Variants in EXOC7 observed in about 807,000 individuals in gnomAD.
EXOC7 encodes the protein exocyst complex component Exo70.
In EXOC7, 51 loss-of-function variants were observed where a neutral mutation model predicts 87.6. The observed-to-expected ratio is 0.58, with a 90% CI of 0.46 to 0.73. The LOEUF is 0.73. Among genes scored for constraint, EXOC7 ranks in the 30% least tolerant of loss-of-function variants. The pLI is 0.00. For synonymous variants in EXOC7, 327 were observed against 357.1 expected, an observed-to-expected ratio of 0.92 and a Z score of 0.95; for missense variants, 744 against 888.4, an observed-to-expected ratio of 0.84 and a Z score of 2.07.
intron 4 of EXOC7, 72 bp from the exon 5 acceptor site, chr17:76,098,090 G>T: frequency 7.3e-7 from 1 of 1,361,282 alleles, no homozygotes; most frequent in Non-Finnish European, 1.0e-6. Flanking sequence ...TCCCCTGCCT[G>T]TGCCAGCTCT....
chr17:76,083,365 T>A lies in EXOC7; in HGVS notation c.*283A>T. Reference sequence around the variant, plus strand: ...CAGCAGTGGGCACAGGCCTCTGTCTTCCTTCTCTCTTTTCCTGTTTCAGAA... The same window carrying A: ...CAGCAGTGGGCACAGGCCTCTGTCTACCTTCTCTCTTTTCCTGTTTCAGAA... On this transcript the variant is annotated 3_prime_UTR_variant, in exon 19 of 19. Coordinates refer to ENST00000589210, the MANE Select transcript of EXOC7 (RefSeq NM_001013839.4). 1 of 429,172 alleles carries A rather than the reference T, an allele frequency of 2.3e-6. No homozygotes were observed. The highest frequency in any genetic ancestry group is 2.3e-5 in the South Asian group (1 of 43,296). The allele number at this position is 429,172 out of a possible 1,614,324, so 26.6% of individuals were successfully genotyped here.
intron 15 of EXOC7, 41 bp from the exon 16 acceptor site, chr17:76,084,621 T>A (rs2067128617): frequency 1.3e-6 from 2 of 1,584,032 alleles, no homozygotes; most frequent in African/African-American, 2.7e-5. Flanking sequence ...GAGGGTGGCC[T>A]GCCTCAGTGG....
At position 76,103,619 on chromosome 17, in the gene EXOC7, A is replaced by G; in HGVS notation, c.60+14T>C. On this transcript the variant is annotated intron_variant, in intron 1 of 18. Transcript: ENST00000589210. ...CCCTCACCTCCTCCCCAGCCTCCCC[A>G]GGCCCACGCCCACCTGCTTCAGCTT... The G allele has an allele frequency of 6.2e-7, 1 of 1,600,940 alleles. No individual in the cohort carries two copies. The highest frequency in any genetic ancestry group is 8.5e-7 in the Non-Finnish European group (1 of 1,175,754).
intron 18 of EXOC7, 108 bp downstream of exon 18, chr17:76,083,898 G>A (rs1232880929): frequency 1.3e-6 from 2 of 1,481,988 alleles, no homozygotes; most frequent in Non-Finnish European, 1.8e-6. Flanking sequence ...CGCTGGATCT[G>A]CTGCCTAAAT....
chr17:76,094,713 T>C, intron 5 of EXOC7, 132 bp from the exon 6 acceptor site: 1 of 859,204 alleles, frequency 1.2e-6, no homozygotes, highest in Non-Finnish European at 1.8e-6. Flanking sequence ...AAGCCACCCA[T>C]ATCTTGTCCC....
At chr17:76,083,782 G>C in intron 18 of EXOC7, 32 bp from the exon 19 acceptor site, 1 of 1,599,952 alleles carries the variant, frequency 6.3e-7, no homozygotes, top group Non-Finnish European at 8.6e-7. Flanking sequence ...GGGACAGGGA[G>C]GGCCGACCCC....
At chr17:76,092,816 G>T (rs1485719040) in intron 6 of EXOC7, 1 of 152,224 alleles carries the variant, frequency 6.6e-6, no homozygotes, top group Non-Finnish European at 1.5e-5. Flanking sequence ...CAGGGATGCT[G>T]AGGTCGGTGC....
chr17:76,081,957 C>T lies in EXOC7; in HGVS notation c.*1691G>A. The T allele has an allele frequency of 1.2e-6, 2 of 1,612,886 alleles. No individual in the cohort carries two copies. The highest frequency in any genetic ancestry group is 8.5e-7 in the Non-Finnish European group (1 of 1,179,852). ...ACTGTGCTGCTGGCTGGGCTGCTGG[C>T]CCGGGGCAACCTTGGGGCCAAGAGC... On this transcript the variant is annotated 3_prime_UTR_variant, in exon 19 of 19. Coordinates refer to ENST00000589210, the MANE Select transcript of EXOC7 (RefSeq NM_001013839.4).
chr17:76,087,562 A>T (rs1454800647), intron 12 of EXOC7, 92 bp downstream of exon 12: 21 of 1,283,154 alleles, frequency 1.6e-5, no homozygotes, highest in Non-Finnish European at 2.1e-5. Flanking sequence ...CACAGACTGG[A>T]GATACCTCCT....
intron 8 of EXOC7, 88 bp downstream of exon 8, chr17:76,089,081 AGGTGGT>A: frequency 1.3e-6 from 2 of 1,566,808 alleles, no homozygotes; most frequent in Non-Finnish European, 1.7e-6. Flanking sequence ...CCAGGGCACG[AGGTGGT>A]GGTGGTGGGT....
At position 76,083,641 on chromosome 17, in the gene EXOC7, A is replaced by G; in HGVS notation, c.*7T>C. 1 of 1,613,602 alleles carries G rather than the reference A, an allele frequency of 6.2e-7. No homozygotes were observed. The highest frequency in any genetic ancestry group is 8.5e-7 in the Non-Finnish European group (1 of 1,179,716). ...TCTGGTGGAACCAGGCAGGGCTAGC[A>G]GCAGGCTCAGGCAGAGGTGTCGAAA... On this transcript the variant is annotated 3_prime_UTR_variant, in exon 19 of 19. Coordinates refer to ENST00000589210, the MANE Select transcript of EXOC7 (RefSeq NM_001013839.4).
At position 76,084,122 on chromosome 17, in the gene EXOC7, G is replaced by A. The variant is rs144157920; in HGVS notation, c.1836C>T (p.Leu612=). 4.5e-5 allele frequency: 72 copies of A among 1,601,778 alleles called. No individual in the cohort carries two copies. Among genetic ancestry groups the A allele is most frequent in the Non-Finnish European group, 5.6e-5 (66 of 1,175,290 alleles). ...CCTTCTGGATTTTGCACAGTTCTTCGAGGCCATCATTGAAGCCCTGGCCAC... is the reference window on the plus strand; with the variant it reads ...CCTTCTGGATTTTGCACAGTTCTTCAAGGCCATCATTGAAGCCCTGGCCAC... The part of the protein sequence containing the change: ...KERFKGFNDG[L]EELCKIQKAW... Residue 612 remains leucine (L), a synonymous_variant, in exon 18 of 19, where the codon CTC becomes CTT. Coordinates refer to ENST00000589210, the MANE Select transcript of EXOC7 (RefSeq NM_001013839.4).
chr17:76,087,699 G>C lies in EXOC7; in HGVS notation c.1384C>G (p.Leu462Val). ...TSNAILFLQQ[L>V]LDFQETAGAM... ...CCTGCCGTCTCCTGGAAGTCCAAAA[G>C]CTGCTGCAGGAAGAGGATGGCCTGG... Residue 462 changes from leucine (L) to valine (V), a missense_variant, in exon 12 of 19, where the codon CTT becomes GTT. Coordinates refer to ENST00000589210, the MANE Select transcript of EXOC7 (RefSeq NM_001013839.4). 6.4e-7 allele frequency: 1 copy of C among 1,551,422 alleles called. No individual in the cohort carries two copies. Among genetic ancestry groups the C allele is most frequent in the Non-Finnish European group, 8.7e-7 (1 of 1,147,032 alleles).
chr17:76,091,071 G>C, intron 7 of EXOC7, 72 bp downstream of exon 7: 1 of 1,376,560 alleles, frequency 7.3e-7, no homozygotes, highest in South Asian at 1.2e-5. Context: ...TCCTGGGGGA[G>C]GCTCTGCCCT....
Position 76,088,801 on chromosome 17 carries a change from C to T in EXOC7, c.1170G>A (p.Gln390=), listed in dbSNP as rs1391229019. 8 of 1,613,868 alleles carry T rather than the reference C, an allele frequency of 5.0e-6. No homozygotes were observed. Among genetic ancestry groups the T allele is most frequent in the Non-Finnish European group, 6.8e-6 (8 of 1,180,036 alleles). ...GCACCTGGTCAAACTCAGGCTTGGT[C>T]TGCTTGAGGTGTCGCAGGATGGGGA... ...TVFPILRHLK[Q]TKPEFDQVLQ... The change falls in exon 9 of 19, where the codon CAG becomes CAA. Residue 390 remains glutamine (Q), a synonymous_variant. Coordinates refer to ENST00000589210, the MANE Select transcript of EXOC7 (RefSeq NM_001013839.4).
At chr17:76,087,605 AG>A (rs1160146058) in intron 12 of EXOC7, 48 bp downstream of exon 12, 1 of 1,523,418 alleles carries the variant, frequency 6.6e-7, no homozygotes, top group Admixed American at 2.0e-5. Context: ...CCATGTCTCC[AG>A]GCAAGGAGGC....
rs1048097772 is a variant in EXOC7, at chr17:76,082,407, G to A, written c.*1241C>T. ...GATGACCCCTGGGGTTCGCTCTTCC[G>A]CTCATGTTGAGGGGACCTTGAAGAA... On this transcript the variant is annotated 3_prime_UTR_variant, in exon 19 of 19. Coordinates refer to ENST00000589210, the MANE Select transcript of EXOC7 (RefSeq NM_001013839.4). 9.3e-6 allele frequency: 14 copies of A among 1,506,328 alleles called. No individual in the cohort carries two copies. Among genetic ancestry groups the A allele is most frequent in the East Asian group, 2.3e-5 (1 of 43,946 alleles). The allele number at this position is 1,506,328 out of a possible 1,614,324, so 93.3% of individuals were successfully genotyped here. A position where few individuals can be genotyped will look rare whatever the true frequency, so the allele number is the denominator to read the frequency against.
Position 76,081,154 on chromosome 17 carries a change from C to A in EXOC7, c.*2494G>T, listed in dbSNP as rs1598280970. The A allele has an allele frequency of 2.1e-6, 3 of 1,399,548 alleles. No individual in the cohort carries two copies. Among genetic ancestry groups the A allele is most frequent in the East Asian group, 4.6e-5 (2 of 43,412 alleles). 86.7% of individuals were successfully genotyped at this position (1,399,548 alleles called of 1,614,324 possible). On this transcript the variant is annotated 3_prime_UTR_variant, in exon 19 of 19. Transcript: ENST00000589210. ...CCCTTCTATGGATCGGTTTTGTGTC[C>A]AAGTCTGTCCCTGCCAAAAGCCATC...
intron 12 of EXOC7, chr17:76,086,732 C>T (rs552080493): frequency 8.6e-6 from 7 of 818,158 alleles, no homozygotes; most frequent in African/African-American, 5.2e-5. Context: ...GAGAGCACCC[C>T]GAGAAAACTC....
Sources: allele counts gnomAD v4.1 joint callset, GRCh38; gene constraint gnomAD v4.1.1; transcripts MANE v1.5; gene names NCBI Gene and HGNC (gene_info 2026-07-23, HGNC 2026-07-21).